The following ABHD15 variants were observed in gnomAD, a reference collection of about 807,000 sequenced individuals.
The protein encoded by ABHD15 is abhydrolase domain containing 15.
A neutral mutation model predicts 34.4 loss-of-function variants in ABHD15; 34 were observed. That is an observed-to-expected ratio of 0.99 (90% CI 0.75 to 1.32). The LOEUF (loss-of-function observed/expected upper bound fraction) is 1.32. Among genes scored for constraint, ABHD15 ranks in the 40% most tolerant of loss-of-function variants. The pLI, the probability that ABHD15 is intolerant of heterozygous loss-of-function variation, is 0.00. For synonymous variants in ABHD15, 314 were observed against 299.2 expected (o/e 1.05, Z -0.51); for missense variants, 644 against 650.4 (o/e 0.99, Z 0.11).
chr17:29,566,928 G>A lies in ABHD15; in HGVS notation c.39C>T (p.Ala13=), dbSNP rs1426287979. 1.2e-5 allele frequency: 18 copies of A among 1,456,444 alleles called. No individual in the cohort carries two copies. Among genetic ancestry groups the A allele is most frequent in the Non-Finnish European group, 1.6e-5 (18 of 1,113,464 alleles). The allele number at this position is 1,456,444 out of a possible 1,614,324, so 90.2% of individuals were successfully genotyped here. ...PWGAALALIL[A]VLALLGLLGP... ...CGAGCAGGCCGAGAAGGGCGAGCAC[G>A]GCCAAGATGAGCGCGAGGGCGGCGC... is the stretch of plus-strand genomic sequence containing the variant. The change falls in exon 1 of 2, where the codon GCC becomes GCT. Residue 13 remains alanine, a synonymous_variant. Coordinates refer to ENST00000307201, the MANE Select transcript of ABHD15 (RefSeq NM_198147.3).
At chr17:29,563,175 C>T (rs2032655790) in intron 1 of ABHD15, 89 bp from the exon 2 acceptor site, 11 of 1,440,442 alleles carry the variant, frequency 7.6e-6, no homozygotes, top group South Asian at 5.1e-5. Context: ...ACAGACAGCC[C>T]GCAGGCCAGA....
rs935807865 is a variant in ABHD15, at chr17:29,560,659, T to C, written c.*1902A>G. ...GGGAGAAGGGAGATAATTTTTCTTT[T>C]CTTTTTTTTTTTTGAAACACAGTCT... On this transcript the variant is annotated 3_prime_UTR_variant, in exon 2 of 2. Transcript: ENST00000307201. 2.6e-5 allele frequency: 4 copies of C among 151,706 alleles called. No individual in the cohort carries two copies. The highest frequency in any genetic ancestry group is 9.7e-5 in the African/African-American group (4 of 41,322). 9.4% of individuals were successfully genotyped at this position (151,706 alleles called of 1,614,324 possible).
Position 29,566,288 on chromosome 17 carries a change from G to T in ABHD15, c.679C>A (p.Pro227Thr). 1 of 1,611,402 alleles carries T rather than the reference G, an allele frequency of 6.2e-7. No individual in the cohort carries two copies. The highest frequency in any genetic ancestry group is 1.7e-5 in the Admixed American group (1 of 59,858). The change falls in exon 1 of 2, where the codon CCG (proline) becomes ACG (threonine). Residue 227 changes from proline to threonine, a missense_variant. Physicochemically the swap from Pro to Thr is conservative, Grantham distance 38. Transcript: ENST00000307201. ...EAVTYIRFRHPAAPLFAVSEG... is the reference protein window; with the variant it reads ...EAVTYIRFRHTAAPLFAVSEG... ...CTCACCGCGAACAGCGGCGCCGCCG[G>T]GTGTCGGAAGCGGATGTATGTGACC...
In ABHD15 at chr17:29,566,674, C is replaced by A; in HGVS notation, c.293G>T (p.Arg98Leu). Residue 98 changes from arginine to leucine, a missense_variant, in exon 1 of 2, where the codon CGC (arginine) becomes CTC (leucine). Physicochemically the swap from Arg to Leu is moderately radical, Grantham distance 102. Coordinates refer to ENST00000307201, the MANE Select transcript of ABHD15 (RefSeq NM_198147.3). The stretch of plus-strand genomic sequence containing the variant: ...CAGGTGGGGCCCGGAGAACCAGGAG[C>A]GCGGGCCGGCCTCCAGCGCCTCTGA... ...RRSEALEAGP[R>L]SWFSGPHLQT... 6.3e-7 allele frequency: 1 copy of A among 1,596,464 alleles called. No homozygotes were observed. Among genetic ancestry groups the A allele is most frequent in the Non-Finnish European group, 8.5e-7 (1 of 1,176,536 alleles).
rs2032621565 is a variant in ABHD15, at chr17:29,560,927, T to C, written c.*1634A>G. ...CCTCGGCCTCCCAAAGTGCTGAGAT[T>C]ATAGGTGTGTGCCACCGCTCCCAGC... On this transcript the variant is annotated 3_prime_UTR_variant, in exon 2 of 2. Coordinates refer to ENST00000307201, the MANE Select transcript of ABHD15 (RefSeq NM_198147.3). 1 of 152,208 alleles carries C rather than the reference T, an allele frequency of 6.6e-6. No homozygotes were observed. The highest frequency in any genetic ancestry group is 1.5e-5 in the Non-Finnish European group (1 of 68,058). 9.4% of individuals were successfully genotyped at this position (152,208 alleles called of 1,614,324 possible).
chr17:29,563,235 A>G, intron 1 of ABHD15, 149 bp from the exon 2 acceptor site: 1 of 868,410 alleles, frequency 1.2e-6, no homozygotes, highest in Non-Finnish European at 1.7e-6. Flanking sequence ...AAAACGTTTA[A>G]TTTCATGGCC....
Position 29,566,609 on chromosome 17 carries a change from G to A in ABHD15, c.358C>T (p.Pro120Ser), listed in dbSNP as rs1272715509. ...CHFVLPVAPG[P>S]ELAREYLQLA... ...TGCAGGTACTCCCGGGCCAGCTCAGGCCCAGGCGCTACGGGCAGGACGAAG... is the reference window on the plus strand; with the variant it reads ...TGCAGGTACTCCCGGGCCAGCTCAGACCCAGGCGCTACGGGCAGGACGAAG... The change falls in exon 1 of 2, where the codon CCT becomes TCT. Residue 120 changes from proline (P) to serine (S), a missense_variant. By Grantham distance (74) the Pro-to-Ser change is moderately conservative. Transcript: ENST00000307201. 3 of 1,609,110 alleles carry A rather than the reference G, an allele frequency of 1.9e-6. No individual in the cohort carries two copies. The highest frequency in any genetic ancestry group is 1.1e-5 in the South Asian group (1 of 91,016).
intron 1 of ABHD15, among the ~76,000 whole-genome samples, chr17:29,565,124 G>T (rs2150790163): frequency 6.6e-6 from 1 of 152,090 alleles, no homozygotes; most frequent in South Asian, 2.1e-4. Flanking sequence ...TGGGTGTGGT[G>T]GTGCACGCCT....
In ABHD15 at chr17:29,562,144, C is replaced by T. The variant is rs2032635054; in HGVS notation, c.*417G>A. 1 of 160,186 alleles carries T rather than the reference C, an allele frequency of 6.2e-6. No homozygotes were observed. The highest frequency in any genetic ancestry group is 2.4e-5 in the African/African-American group (1 of 41,602). The allele number at this position is 160,186 out of a possible 1,614,324, so 9.9% of individuals were successfully genotyped here. On this transcript the variant is annotated 3_prime_UTR_variant, in exon 2 of 2. Coordinates refer to ENST00000307201, the MANE Select transcript of ABHD15 (RefSeq NM_198147.3). ...AGACACAAACATCCTGTCCTCATGACATCAAATGGCTCCAGCTTGAGAATC... is the reference window on the plus strand; with the variant it reads ...AGACACAAACATCCTGTCCTCATGATATCAAATGGCTCCAGCTTGAGAATC...
intron 1 of ABHD15, among the ~76,000 whole-genome samples, chr17:29,565,370 C>G (rs2032686737): frequency 6.6e-6 from 1 of 152,030 alleles, no homozygotes; most frequent in African/African-American, 2.4e-5. Flanking sequence ...CTCTGTCACC[C>G]AGGCTAGAGT....
rs995506922 is a variant in ABHD15 at position 29,561,508 on chromosome 17, T to C, written c.*1053A>G. Reference sequence around the variant, plus strand: ...TTTGAATAATTGAGCAGACGAAGCATTGGAATATGAAATATTTGTAAATCA... The same window carrying C: ...TTTGAATAATTGAGCAGACGAAGCACTGGAATATGAAATATTTGTAAATCA... On this transcript the variant is annotated 3_prime_UTR_variant, in exon 2 of 2. Transcript: ENST00000307201. 6.6e-6 allele frequency: 1 copy of C among 152,182 alleles called. No individual in the cohort carries two copies. The highest frequency in any genetic ancestry group is 2.4e-5 in the African/African-American group (1 of 41,432). 9.4% of individuals were successfully genotyped at this position (152,182 alleles called of 1,614,324 possible).
In ABHD15 at chr17:29,566,713, C is replaced by A; in HGVS notation, c.254G>T (p.Arg85Leu). ...KPSALAQCLL[R>L]ALRRSEALEA... ...CAGCGCCTCTGAGCGCCGCAGGGCGCGCAGCAGGCACTGGGCCAGGGCCGA... is the reference window on the plus strand; with the variant it reads ...CAGCGCCTCTGAGCGCCGCAGGGCGAGCAGCAGGCACTGGGCCAGGGCCGA... Residue 85 changes from arginine (R) to leucine (L), a missense_variant, in exon 1 of 2, where the codon CGC becomes CTC. Arg to Leu is a moderately radical substitution (Grantham distance 102, BLOSUM62 -2). Coordinates refer to ENST00000307201, the MANE Select transcript of ABHD15 (RefSeq NM_198147.3). 1 of 1,580,016 alleles carries A rather than the reference C, an allele frequency of 6.3e-7. No homozygotes were observed. The highest frequency in any genetic ancestry group is 8.5e-7 in the Non-Finnish European group (1 of 1,169,590).
In ABHD15 at chr17:29,562,585, G is replaced by T. The variant is rs748004076; in HGVS notation, c.1383C>A (p.Asn461Lys). The change falls in exon 2 of 2, where the codon AAC becomes AAA. Residue 461 changes from asparagine to lysine, a missense_variant. By Grantham distance (94) the Asn-to-Lys change is moderately conservative. Transcript: ENST00000307201. The part of the protein sequence containing the change: ...SSSSNLEEIF[N>K]WKRSYTR ...TTCACCTTGTGTATGATCGCTTCCA[G>T]TTAAAGATCTCCTCCAGGTTGGAAG... The T allele has an allele frequency of 6.2e-7, 1 of 1,613,684 alleles. No homozygotes were observed.
At position 29,566,181 on chromosome 17, in the gene ABHD15, G is replaced by A. The variant is rs751175217; in HGVS notation, c.786C>T (p.Ile262=). 14 of 1,609,652 alleles carry A rather than the reference G, an allele frequency of 8.7e-6. No homozygotes were observed. The highest frequency in any genetic ancestry group is 1.1e-5 in the Non-Finnish European group (13 of 1,177,844). Residue 262 remains isoleucine (I), a synonymous_variant, in exon 1 of 2, where the codon ATC becomes ATT. Transcript: ENST00000307201. The part of the protein sequence containing the change: ...SSSYVTGAAC[I]SPVLRCREWF... ...ACTCTCGGCAGCGCAGCACGGGCGA[G>A]ATGCAGGCGGCGCCTGTCACGTAGC...
chr17:29,565,217 T>A lies in ABHD15; in HGVS notation c.881+869A>T, dbSNP rs1049440137. On this transcript the variant is annotated intron_variant, in intron 1 of 1. Coordinates refer to ENST00000307201, the MANE Select transcript of ABHD15 (RefSeq NM_198147.3). ...GAGGTTACAGTGAGCCGAGATCATGTCACTACACTTCAGCCTGGGTGACAA... is the reference window on the plus strand; with the variant it reads ...GAGGTTACAGTGAGCCGAGATCATGACACTACACTTCAGCCTGGGTGACAA... Among the ~76,000 whole-genome samples the A allele has an allele frequency of 1.1e-4, 16 of 151,880 alleles. 1 individual carries two copies. The highest frequency in any genetic ancestry group is 3.6e-4 in the African/African-American group (15 of 41,302).
rs184655119 is a variant in ABHD15 at position 29,563,811 on chromosome 17, G to A, written c.882-725C>T. 5.7e-4 allele frequency among the ~76,000 whole-genome samples: 87 copies of A among 152,280 alleles called. 1 individual carries two copies. The highest frequency in any genetic ancestry group is 2.0e-3 in the African/African-American group (84 of 41,568). On this transcript the variant is annotated intron_variant, in intron 1 of 1. Coordinates refer to ENST00000307201, the MANE Select transcript of ABHD15 (RefSeq NM_198147.3). The stretch of plus-strand genomic sequence containing the variant: ...GGAGGCAGAGGTTGCAGTGAGCCGA[G>A]ATCGTGCCACTGCGTTCCAGCCTGC...
chr17:29,566,050 T>C (rs1598545019), intron 1 of ABHD15, 36 bp downstream of exon 1: 6 of 1,508,048 alleles, frequency 4.0e-6, no homozygotes, highest in Non-Finnish European at 5.3e-6. Flanking sequence ...AGGCCCTCTA[T>C]TCTTTCCATG....
In ABHD15 at chr17:29,562,649, C is replaced by T. The variant is rs201730687; in HGVS notation, c.1319G>A (p.Arg440His). 100 of 1,613,990 alleles carry T rather than the reference C, an allele frequency of 6.2e-5. No homozygotes were observed. The highest frequency in any genetic ancestry group is 1.5e-4 in the Admixed American group (9 of 60,006). ...RHRASFLGGR[R>H]RGGALQRREV... Reference sequence around the variant, plus strand: ...CCGCCTCTGCAAGGCTCCCCCACGACGACGGCCCCCAAGGAAGGAAGCTCT... The same window carrying T: ...CCGCCTCTGCAAGGCTCCCCCACGATGACGGCCCCCAAGGAAGGAAGCTCT... The change falls in exon 2 of 2, where the codon CGT becomes CAT. Residue 440 changes from arginine to histidine, a missense_variant. Coordinates refer to ENST00000307201, the MANE Select transcript of ABHD15 (RefSeq NM_198147.3).
In ABHD15 at chr17:29,566,549, C is replaced by A; in HGVS notation, c.418G>T (p.Val140Leu). The change falls in exon 1 of 2, where the codon GTG becomes TTG. Residue 140 changes from valine (V) to leucine (L), a missense_variant. Transcript: ENST00000307201. ...ADDGLVALDW[V>L]VGPCVRGRRI... ...CGGCCCCGAACACAAGGTCCTACCA[C>A]CCAGTCCAGGGCCACTAGCCCATCG... The A allele has an allele frequency of 1.2e-6, 2 of 1,608,388 alleles. No individual in the cohort carries two copies. The highest frequency in any genetic ancestry group is 1.7e-6 in the Non-Finnish European group (2 of 1,177,932).
Sources: allele counts gnomAD v4.1 joint callset (sites outside exome capture counted in the v4.1 genomes callset), GRCh38; gene constraint gnomAD v4.1.1; transcripts MANE v1.5; gene names NCBI Gene and HGNC (gene_info 2026-07-23, HGNC 2026-07-21).